Variants in PHACTR2 observed in about 807,000 individuals in gnomAD.
PHACTR2 encodes chromosome 6 open reading frame 56.
Under a neutral mutation model 76.0 loss-of-function variants are expected in PHACTR2, and 30 were observed. The observed-to-expected ratio is 0.39, with a 90% CI of 0.30 to 0.54. The LOEUF is 0.54. PHACTR2 is among the 20% of genes least tolerant of loss of function. The pLI, the probability that PHACTR2 is intolerant of heterozygous loss-of-function variation, is 0.61. For synonymous variants in PHACTR2, 292 were observed against 292.5 expected, an observed-to-expected ratio of 1.00 and a Z score of 0.02; for missense variants, 696 against 781.1, an observed-to-expected ratio of 0.89 and a Z score of 1.30.
In PHACTR2 at chr6:143,678,101, G is replaced by A; in HGVS notation, c.-63G>A. 5.2e-6 allele frequency: 8 copies of A among 1,544,998 alleles called. No homozygotes were observed. In the South Asian group the frequency reaches 8.3e-5, roughly 16 times the overall value. On this transcript the variant is annotated 5_prime_UTR_variant, in exon 1 of 13. Coordinates refer to ENST00000440869, the MANE Select transcript of PHACTR2 (RefSeq NM_001100164.2). This position sits in a 1 kb window ranked among gnomAD's most constrained non-coding sequence, Gnocchi z 6.2. ...ACGCCTGGAAGTCTGGCTGGGAGCG[G>A]ACCCATGATCGAAGGACCAAAGGAG...
intron 1 of PHACTR2, among the ~76,000 whole-genome samples, chr6:143,613,500 A>T (rs1776012894): frequency 1.3e-5 from 2 of 152,236 alleles, no homozygotes; most frequent in African/African-American, 4.8e-5. Context: ...TCCTGCGAGT[A>T]AACTGACAGT....
intron 2 of PHACTR2, among the ~76,000 whole-genome samples, chr6:143,741,012 C>G (rs920554980): frequency 2.6e-5 from 4 of 152,218 alleles, no homozygotes; most frequent in African/African-American, 9.6e-5. Context: ...ACTTTGGAGG[C>G]TGAGGCAGGC....
chr6:143,745,521 C>T (rs1311619193), intron 2 of PHACTR2, among the ~76,000 whole-genome samples: 1 of 152,196 alleles, frequency 6.6e-6, no homozygotes, highest in Non-Finnish European at 1.5e-5. Flanking sequence ...ACTAGAATGA[C>T]CTCTCAGATT....
At chr6:143,613,708 A>G (rs1215482545) in intron 1 of PHACTR2, among the ~76,000 whole-genome samples, 2 of 152,230 alleles carry the variant, frequency 1.3e-5, no homozygotes, top group African/African-American at 4.8e-5. Flanking sequence ...GCTTCTGTCG[A>G]GAACAACTGT....
intron 1 of PHACTR2, among the ~76,000 whole-genome samples, chr6:143,657,852 A>C (rs1409281744): frequency 6.6e-6 from 1 of 152,178 alleles, no homozygotes; most frequent in Non-Finnish European, 1.5e-5. Flanking sequence ...GCAAGCCTGC[A>C]GCTTTCAGGC....
At chr6:143,785,248 G>A (rs1002709050) in intron 10 of PHACTR2, among the ~76,000 whole-genome samples, 1 of 152,138 alleles carries the variant, frequency 6.6e-6, no homozygotes, top group African/African-American at 2.4e-5. Context: ...GGAGATATTG[G>A]CCAAAACAAA....
At chr6:143,746,871 T>C (rs1779079743) in intron 2 of PHACTR2, among the ~76,000 whole-genome samples, 1 of 152,200 alleles carries the variant, frequency 6.6e-6, no homozygotes, top group Admixed American at 6.5e-5. Flanking sequence ...CGGTTAACTT[T>C]TTTCATTGAA....
chr6:143,729,493 G>A (rs1778654619), intron 2 of PHACTR2, among the ~76,000 whole-genome samples: 1 of 152,100 alleles, frequency 6.6e-6, no homozygotes, highest in African/African-American at 2.4e-5. Flanking sequence ...TCTATGATCA[G>A]TTTTAGGATC....
At chr6:143,676,160 C>T (rs1777241034), upstream of PHACTR2, among the ~76,000 whole-genome samples, 1 of 152,148 alleles carries the variant, frequency 6.6e-6, no homozygotes, top group African/African-American at 2.4e-5. This position sits in a 1 kb window ranked among gnomAD's most constrained non-coding sequence, Gnocchi z 4.8. Flanking sequence ...GAGAAAATTG[C>T]ATAACCTGGT....
rs1367019073 is a variant in PHACTR2, at chr6:143,722,208, T to C, written c.214+10025T>C. On this transcript the variant is annotated intron_variant, in intron 2 of 12. Transcript: ENST00000440869. The surrounding 1 kb of genome is among the most constrained non-coding windows in gnomAD (Gnocchi z 4.1). ...AACAGGGTGATCTGTTTTATTTTTT[T>C]ATAACAATATATTTTCTGTTCTTTC... Among the ~76,000 whole-genome samples the C allele has an allele frequency of 6.6e-6, 1 of 152,236 alleles. No individual in the cohort carries two copies. The highest frequency in any genetic ancestry group is 2.4e-5 in the African/African-American group (1 of 41,470).
rs1777591018 is a variant in PHACTR2 at position 143,689,440 on chromosome 6, G to A, written c.46+11231G>A. Among the ~76,000 whole-genome samples, 1 of 152,186 alleles carries A rather than the reference G, an allele frequency of 6.6e-6. No homozygotes were observed. The highest frequency in any genetic ancestry group is 2.1e-4 in the South Asian group (1 of 4,832). ...ATACATTAGTAGAGTAGTGGGAACTGAGTAGAAAGTTCAGGGGCATCTAAG... is the reference window on the plus strand; with the variant it reads ...ATACATTAGTAGAGTAGTGGGAACTAAGTAGAAAGTTCAGGGGCATCTAAG... On this transcript the variant is annotated intron_variant, in intron 1 of 12. Transcript: ENST00000440869. The surrounding 1 kb of genome is among the most constrained non-coding windows in gnomAD (Gnocchi z 4.4).
rs1222902264 is a variant in PHACTR2 at position 143,537,907 on chromosome 6, G to C, written c.217+700G>C. Among the ~76,000 whole-genome samples the C allele has an allele frequency of 1.3e-5, 2 of 152,206 alleles. No individual in the cohort carries two copies. The highest frequency in any genetic ancestry group is 4.8e-5 in the African/African-American group (2 of 41,464). ...CGATCACTTGAGGTCAAAAGTTCGA[G>C]ACCGGCCTGGCCAACATGGTCAGGA... On this transcript the variant is annotated intron_variant, in intron 1 of 11. Coordinates refer to the PHACTR2 transcript ENST00000367584. The surrounding 1 kb of genome is among the most constrained non-coding windows in gnomAD (Gnocchi z 4.4).
Position 143,784,035 on chromosome 6 carries a change from T to TG in PHACTR2, c.1707+756dup, listed in dbSNP as rs1775493972. Among the ~76,000 whole-genome samples, 1 of 61,756 alleles carries TG rather than the reference T, an allele frequency of 1.6e-5. No homozygotes were observed. Among genetic ancestry groups the TG allele is most frequent in the African/African-American group, 7.5e-5 (1 of 13,266 alleles). The allele number at this position is 61,756 out of a possible 152,430, so 40.5% of individuals were successfully genotyped here. A position where few individuals can be genotyped will look rare whatever the true frequency, so the allele number is the denominator to read the frequency against. On this transcript the variant is annotated intron_variant, in intron 10 of 12. Coordinates refer to ENST00000440869, the MANE Select transcript of PHACTR2 (RefSeq NM_001100164.2). This position sits in a 1 kb window ranked among gnomAD's most constrained non-coding sequence, Gnocchi z 4.5. Reference sequence around the variant, plus strand: ...AATTAATCTCGCTTGATTAGAACAATGAAAAAAAAAAAGAAAAAAAGAAGT... The same window carrying TG: ...AATTAATCTCGCTTGATTAGAACAATGGAAAAAAAAAAAGAAAAAAAGAAGT...
chr6:143,555,206 CGAG>C (rs1562682315), intron 1 of PHACTR2: 1 of 152,004 alleles, frequency 6.6e-6, no homozygotes, highest in Non-Finnish European at 1.5e-5. Context: ...ACATTTACGT[CGAG>C]CCTGCCGAGC....
intron 2 of PHACTR2, among the ~76,000 whole-genome samples, chr6:143,748,419 T>C (rs1003057859): frequency 6.6e-6 from 1 of 152,234 alleles, no homozygotes; most frequent in African/African-American, 2.4e-5. Flanking sequence ...CTGGGGATTG[T>C]CAGCTAATAT....
upstream of PHACTR2, among the ~76,000 whole-genome samples, chr6:143,675,205 A>G (rs1483311810): frequency 1.3e-5 from 2 of 152,256 alleles, no homozygotes; most frequent in Admixed American, 6.5e-5. The surrounding 1 kb of genome is among the most constrained non-coding windows in gnomAD (Gnocchi z 4.9). Flanking sequence ...AAATAAATGA[A>G]TAAATCACAG....
chr6:143,609,210 C>T (rs1229508208), intron 1 of PHACTR2, among the ~76,000 whole-genome samples: 1 of 152,190 alleles, frequency 6.6e-6, no homozygotes, highest in Non-Finnish European at 1.5e-5. Context: ...ACTACAAGAC[C>T]ACCCATTGAT....
Position 143,730,173 on chromosome 6 carries a change from C to G in PHACTR2, c.214+17990C>G, listed in dbSNP as rs944088175. 1.3e-5 allele frequency among the ~76,000 whole-genome samples: 2 copies of G among 152,016 alleles called. No individual in the cohort carries two copies. The highest frequency in any genetic ancestry group is 2.9e-5 in the Non-Finnish European group (2 of 67,986). On this transcript the variant is annotated intron_variant, in intron 2 of 12. Coordinates refer to ENST00000440869, the MANE Select transcript of PHACTR2 (RefSeq NM_001100164.2). The surrounding 1 kb of genome is among the most constrained non-coding windows in gnomAD (Gnocchi z 4.8). ...TTTGGCTTTCATTTAAATTTTAGAA[C>G]CAACTTGTTTTTATTGTTGAAAAAT...
At chr6:143,642,674 G>A (rs1248390443) in intron 1 of PHACTR2, among the ~76,000 whole-genome samples, 1 of 152,150 alleles carries the variant, frequency 6.6e-6, no homozygotes, top group African/African-American at 2.4e-5. Context: ...TAAAAAGAGG[G>A]AATTTGGACA....
Sources: allele counts gnomAD v4.1 joint callset (sites outside exome capture counted in the v4.1 genomes callset), GRCh38; gene constraint gnomAD v4.1.1; non-coding constraint Gnocchi (gnomAD v3.1); transcripts MANE v1.5; gene names NCBI Gene and HGNC (gene_info 2026-07-23, HGNC 2026-07-21).